The following SORCS1 variants were observed in gnomAD, a reference collection of about 807,000 sequenced individuals.
The protein encoded by SORCS1 is sortilin related VPS10 domain containing receptor 1.
In SORCS1, 60 loss-of-function variants were observed where a neutral mutation model predicts 146.1. That is an observed-to-expected ratio of 0.41 (90% CI 0.33 to 0.51). The LOEUF (loss-of-function observed/expected upper bound fraction) is 0.51, where lower values mean the gene tolerates loss of function less well. Among genes scored for constraint, SORCS1 ranks in the 20% least tolerant of loss-of-function variants. SORCS1 has a pLI of 0.21. For missense variants in SORCS1, 1,352 were observed against 1,487.6 expected, an observed-to-expected ratio of 0.91 and a Z score of 1.50; for synonymous variants, 637 against 584.0, an observed-to-expected ratio of 1.09 and a Z score of -1.31.
At chr10:106,876,713 G>T (rs1950600280) in intron 2 of SORCS1, among the ~76,000 whole-genome samples, 1 of 152,224 alleles carries the variant, frequency 6.6e-6, no homozygotes, top group African/African-American at 2.4e-5. Context: ...CCTGTTCAGA[G>T]ATTGCTTGGG....
chr10:106,768,142 C>T (rs1305691118), intron 4 of SORCS1, among the ~76,000 whole-genome samples: 2 of 152,156 alleles, frequency 1.3e-5, no homozygotes, highest in Non-Finnish European at 2.9e-5. Flanking sequence ...GTTTTATAAA[C>T]AAGTGTTGGG....
At chr10:106,901,494 A>G (rs558837063) in intron 2 of SORCS1, among the ~76,000 whole-genome samples, 1 of 152,250 alleles carries the variant, frequency 6.6e-6, no homozygotes, top group South Asian at 2.1e-4. Context: ...GTGCAGTGGC[A>G]TGATCTCGGC....
At chr10:106,756,772 A>G (rs560591048) in intron 5 of SORCS1, among the ~76,000 whole-genome samples, 1 of 152,294 alleles carries the variant, frequency 6.6e-6, no homozygotes, top group East Asian at 1.9e-4. Context: ...TTAAAGCTTG[A>G]AACTTGTATT....
chr10:106,768,618 C>T (rs963635582), intron 4 of SORCS1, among the ~76,000 whole-genome samples: 4 of 152,192 alleles, frequency 2.6e-5, no homozygotes, highest in African/African-American at 9.7e-5. Flanking sequence ...ATCTGTCGGT[C>T]CTGTTCCATT....
chr10:107,179,903 A>ATT, the SORCS1 span, among the ~76,000 whole-genome samples: 6 of 73,426 alleles, frequency 8.2e-5, no homozygotes, highest in African/African-American at 1.5e-4. Flanking sequence ...CACAAAACAG[A>ATT]CTTTTTTTTT....
At chr10:107,105,485 C>T (rs751283729) in intron 1 of SORCS1, among the ~76,000 whole-genome samples, 1 of 152,168 alleles carries the variant, frequency 6.6e-6, no homozygotes, top group East Asian at 1.9e-4. Flanking sequence ...CGTCAGAAGT[C>T]GAGAAGCCGA....
At chr10:106,614,528 C>T (rs1885354) in intron 21 of SORCS1, among the ~76,000 whole-genome samples, 148,569 of 152,354 alleles carry the variant, frequency 0.98, 72,531 homozygotes, top group East Asian at 1. Context: ...ATGAAATGCA[C>T]GTTAACTAAA....
intron 1 of SORCS1, among the ~76,000 whole-genome samples, chr10:106,974,239 G>A (rs1955904306): frequency 6.6e-6 from 1 of 152,068 alleles, no homozygotes; most frequent in Non-Finnish European, 1.5e-5. Flanking sequence ...TGATCCTTGG[G>A]GTCTTCAGAC....
chr10:106,581,043 G>C (rs925759251), intron 24 of SORCS1, among the ~76,000 whole-genome samples: 1 of 152,062 alleles, frequency 6.6e-6, no homozygotes, highest in African/African-American at 2.4e-5. Flanking sequence ...ATTTTCTTTT[G>C]GTTCAAAATT....
intron 14 of SORCS1, among the ~76,000 whole-genome samples, chr10:106,674,806 A>G (rs778070141): frequency 6.6e-6 from 1 of 152,138 alleles, no homozygotes; most frequent in Non-Finnish European, 1.5e-5. Flanking sequence ...GTACAGCTTT[A>G]TTTCCTATTG....
At chr10:106,827,917 C>A (rs1263440310) in intron 3 of SORCS1, among the ~76,000 whole-genome samples, 1 of 152,108 alleles carries the variant, frequency 6.6e-6, no homozygotes, top group Non-Finnish European at 1.5e-5. Flanking sequence ...CATTCAAAAG[C>A]CATAAATTGT....
intron 24 of SORCS1, among the ~76,000 whole-genome samples, chr10:106,591,129 C>A (rs1382068836): frequency 6.6e-6 from 1 of 152,178 alleles, no homozygotes; most frequent in Non-Finnish European, 1.5e-5. Flanking sequence ...AGTGAAGCTG[C>A]TCTGACACTG....
intron 3 of SORCS1, among the ~76,000 whole-genome samples, chr10:106,806,517 T>C (rs1297903319): frequency 4.5e-5 from 5 of 110,438 alleles, no homozygotes; most frequent in Non-Finnish European, 7.7e-5. Context: ...TTTTTTTTTT[T>C]TTTTTTTTTT....
chr10:106,946,541 G>A (rs1954354635), intron 2 of SORCS1, among the ~76,000 whole-genome samples: 1 of 152,188 alleles, frequency 6.6e-6, no homozygotes, highest in African/African-American at 2.4e-5. Flanking sequence ...TGTAAGACGT[G>A]GCTTTGCTCT....
intron 3 of SORCS1, among the ~76,000 whole-genome samples, chr10:106,777,783 C>G (rs1860564766): frequency 6.6e-6 from 1 of 152,178 alleles, no homozygotes; most frequent in South Asian, 2.1e-4. Context: ...CTCTGTGGGT[C>G]TTTCATTCAA....
rs549968633 is a variant in SORCS1 at position 106,954,173 on chromosome 10, G to A, written c.626+2340C>T. Among the ~76,000 whole-genome samples the A allele has an allele frequency of 2.0e-5, 3 of 152,312 alleles. No homozygotes were observed. The South Asian group carries it at 6.2e-4, about 32-fold the overall frequency. ...GCATGTTCTTTCCACTGTGCAGGTG[G>A]AGAGTTATGACTGCGTAAGCCTCTG... On this transcript the variant is annotated intron_variant, in intron 2 of 25. Transcript: ENST00000263054.
rs925932385 is a variant in SORCS1, at chr10:106,960,867, A to G, written c.559-4287T>C. On this transcript the variant is annotated intron_variant, in intron 1 of 25. Transcript: ENST00000263054. The surrounding 1 kb of genome is among the most constrained non-coding windows in gnomAD (Gnocchi z 4.4). ...GGGCAAGGGCTTCTTCTCCCACAGC[A>G]CTGAGCCACATTTTCATAACCCGGG... Among the ~76,000 whole-genome samples, 8 of 152,096 alleles carry G rather than the reference A, an allele frequency of 5.3e-5. No homozygotes were observed. The highest frequency in any genetic ancestry group is 5.2e-4 in the Admixed American group (8 of 15,248).
At chr10:107,144,336 T>C (rs1308376909) in intron 1 of SORCS1, among the ~76,000 whole-genome samples, 2 of 152,218 alleles carry the variant, frequency 1.3e-5, no homozygotes, top group Admixed American at 1.3e-4. Context: ...TACCAGAAAG[T>C]TAAGCACATG....
rs552258492 is a variant in SORCS1, at chr10:106,694,405, C to T, written c.1413+4809G>A. ...CTCCCAAGTAGCTGGGACTTCACCA[C>T]ACCCAGCTAATTTCTGTATTTTTAG... On this transcript the variant is annotated intron_variant, in intron 9 of 25. Transcript: ENST00000263054. Among the ~76,000 whole-genome samples, 128 of 152,228 alleles carry T rather than the reference C, an allele frequency of 8.4e-4. 1 individual carries two copies. Among genetic ancestry groups the T allele is most frequent in the African/African-American group, 3.0e-3 (124 of 41,542 alleles).
Sources: allele counts gnomAD v4.1 joint callset (sites outside exome capture counted in the v4.1 genomes callset), GRCh38; gene constraint gnomAD v4.1.1; non-coding constraint Gnocchi (gnomAD v3.1); transcripts MANE v1.5; gene names NCBI Gene and HGNC (gene_info 2026-07-23, HGNC 2026-07-21).